The following TRAK1 variants were observed in gnomAD, a reference collection of about 807,000 sequenced individuals.
TRAK1 encodes the protein trafficking kinesin-binding protein 1.
A neutral mutation model predicts 92.1 loss-of-function variants in TRAK1; 33 were observed. The observed-to-expected ratio is 0.36, with a 90% CI of 0.27 to 0.48. The LOEUF is 0.48. TRAK1 is among the 20% of genes least tolerant of loss of function. The probability of loss-of-function intolerance (pLI) is 0.99; values close to 1 mark genes in which losing one functional copy is unlikely to be tolerated. For missense variants in TRAK1, 1,123 were observed against 1,257.9 expected, an observed-to-expected ratio of 0.89 and a Z score of 1.62; for synonymous variants, 521 against 517.3, an observed-to-expected ratio of 1.01 and a Z score of -0.10.
At chr3:42,032,919 T>C (rs2148893971) in intron 1 of TRAK1, among the ~76,000 whole-genome samples, 1 of 152,302 alleles carries the variant, frequency 6.6e-6, no homozygotes, top group East Asian at 1.9e-4. Flanking sequence ...TGAGACCTAC[T>C]CTTGAAACAA....
chr3:42,048,990 C>T (rs1231468746), intron 1 of TRAK1, among the ~76,000 whole-genome samples: 1 of 152,188 alleles, frequency 6.6e-6, no homozygotes, highest in Non-Finnish European at 1.5e-5. Context: ...TGGCCTCAAG[C>T]AATCCTTCTG....
intron 2 of TRAK1, among the ~76,000 whole-genome samples, chr3:42,140,022 C>A (rs1395920735): frequency 6.6e-6 from 1 of 152,202 alleles, no homozygotes; most frequent in Non-Finnish European, 1.5e-5. Context: ...AGGCCGTGTA[C>A]TGATGCTACC....
At position 42,184,782 on chromosome 3, in the gene TRAK1, T is replaced by C; in HGVS notation, c.461T>C (p.Val154Ala). 1 of 1,612,976 alleles carries C rather than the reference T, an allele frequency of 6.2e-7. No homozygotes were observed. The highest frequency in any genetic ancestry group is 8.5e-7 in the Non-Finnish European group (1 of 1,179,664). ...TERNELLEEQ[V>A]EHIREEVSQL... ...AGGAACGAGCTGCTGGAGGAGCAGG[T>C]GGAACACATCAGGGAGGAGGTAAGA... Residue 154 changes from valine to alanine, a missense_variant, in exon 4 of 16, where the codon GTG becomes GCG. Coordinates refer to ENST00000327628, the MANE Select transcript of TRAK1 (RefSeq NM_001042646.3).
intron 14 of TRAK1, chr3:42,211,062 A>G (rs899384508): frequency 8.1e-6 from 8 of 985,346 alleles, no homozygotes; most frequent in Non-Finnish European, 9.6e-6. Flanking sequence ...GGAGACTGAG[A>G]AAAAATGAAT....
Position 42,148,384 on chromosome 3 carries a change from T to A in TRAK1, c.286+22770T>A, listed in dbSNP as rs546699829. On this transcript the variant is annotated intron_variant, in intron 2 of 15. Transcript: ENST00000327628. ...GCTTTAGGGAATGAAATTCAACCTA[T>A]AGGATAGCCTAGAATCTGTCTTATT... Among the ~76,000 whole-genome samples the A allele has an allele frequency of 3.9e-5, 6 of 152,342 alleles. No individual in the cohort carries two copies. In the South Asian group the frequency reaches 1.2e-3, roughly 32 times the overall value.
chr3:42,212,318 T>C (rs1344927017), intron 14 of TRAK1: 3 of 985,402 alleles, frequency 3.0e-6, no homozygotes, highest in Non-Finnish European at 3.6e-6. Context: ...CCAGGAACTA[T>C]TGTCTGCCTG....
intron 4 of TRAK1, among the ~76,000 whole-genome samples, chr3:42,185,672 T>C: frequency 1.1e-5 from 1 of 93,614 alleles, no homozygotes; most frequent in East Asian, 8.7e-4. Flanking sequence ...CTTATTCCTT[T>C]CTTTTTTTTT....
At position 42,223,874 on chromosome 3, in the gene TRAK1, C is replaced by T. The variant is rs1018657738; in HGVS notation, c.*137C>T. ...CCCCCTCCTAAGCTAGACAAATCAA[C>T]CTCGTGCCTAATGGAGGAAGTGTGG... On this transcript the variant is annotated 3_prime_UTR_variant, in exon 16 of 16. Transcript: ENST00000327628. The surrounding 1 kb of genome is among the most constrained non-coding windows in gnomAD (Gnocchi z 6.1). The T allele has an allele frequency of 3.8e-6, 4 of 1,040,666 alleles. No individual in the cohort carries two copies. In the African/African-American group the frequency reaches 6.5e-5, roughly 17 times the overall value. The allele number at this position is 1,040,666 out of a possible 1,614,324, so 64.5% of individuals were successfully genotyped here. A position where few individuals can be genotyped will look rare whatever the true frequency, so the allele number is the denominator to read the frequency against.
chr3:42,160,139 A>C, intron 2 of TRAK1: 1 of 1,163,010 alleles, frequency 8.6e-7, no homozygotes. Flanking sequence ...CTCCAGGCTC[A>C]TAGGAGCCAC....
chr3:42,069,542 A>G (rs1444870699), intron 1 of TRAK1, among the ~76,000 whole-genome samples: 1 of 152,152 alleles, frequency 6.6e-6, no homozygotes, highest in Non-Finnish European at 1.5e-5. Context: ...TTATATTTTT[A>G]CATGTCTCAC....
rs762125764 is a variant in TRAK1 at position 42,223,022 on chromosome 3, G to A, written c.2147G>A (p.Arg716Gln). Residue 716 changes from arginine to glutamine, a missense_variant, in exon 16 of 16, where the codon CGG (arginine) becomes CAG (glutamine). Physicochemically the swap from Arg to Gln is conservative, Grantham distance 43 (BLOSUM62 1). Transcript: ENST00000327628. The surrounding 1 kb of genome is among the most constrained non-coding windows in gnomAD (Gnocchi z 6.1). ...CCGGTGGCCACACCATGCACTCCAC[G>A]GAGACTGAGCCTGGCTGAGTCCTTC... ...STPVATPCTP[R>Q]RLSLAESFTN... The A allele has an allele frequency of 1.9e-5, 31 of 1,613,954 alleles. No individual in the cohort carries two copies. The highest frequency in any genetic ancestry group is 4.5e-5 in the East Asian group (2 of 44,860).
chr3:42,153,565 A>G (rs571655823), intron 2 of TRAK1, among the ~76,000 whole-genome samples: 3 of 152,256 alleles, frequency 2.0e-5, no homozygotes, highest in Middle Eastern at 3.4e-3. Flanking sequence ...GGTCTAGTTC[A>G]TACTGATTTC....
At chr3:42,105,671 G>A (rs113175979) in intron 1 of TRAK1, among the ~76,000 whole-genome samples, 15 of 152,042 alleles carry the variant, frequency 9.9e-5, no homozygotes, top group African/African-American at 3.6e-4. Flanking sequence ...ACAGAGAACG[G>A]CACAAAGATA....
chr3:42,143,308 C>CTG (rs376108676), intron 2 of TRAK1, among the ~76,000 whole-genome samples: 50 of 139,262 alleles, frequency 3.6e-4, no homozygotes, highest in Admixed American at 1.0e-3. Context: ...TGTACCTCTT[C>CTG]TTTTTTTTTT....
At chr3:42,030,373 A>AAATATG (rs35781469) in intron 1 of TRAK1, among the ~76,000 whole-genome samples, 6 of 18,074 alleles carry the variant, frequency 3.3e-4, no homozygotes, top group Non-Finnish European at 1.1e-3. Context: ...AAAAAAAAAA[A>AAATATG]TATATATATA....
chr3:42,168,193 G>A (rs1286540173), intron 2 of TRAK1, among the ~76,000 whole-genome samples: 2 of 152,160 alleles, frequency 1.3e-5, no homozygotes, highest in Non-Finnish European at 2.9e-5. Flanking sequence ...GGGCAGATTA[G>A]TACCTTTATG....
At chr3:42,177,290 C>T (rs148378427) in intron 3 of TRAK1, among the ~76,000 whole-genome samples, 9 of 152,076 alleles carry the variant, frequency 5.9e-5, no homozygotes, top group East Asian at 1.9e-4. Context: ...GCAGTGTCAG[C>T]GTGGAAATAA....
upstream of TRAK1, among the ~76,000 whole-genome samples, chr3:42,085,144 A>T (rs1704611394): frequency 6.6e-6 from 1 of 152,082 alleles, no homozygotes; most frequent in Admixed American, 6.5e-5. Flanking sequence ...GTATAAGGCA[A>T]ATATCCCCAA....
At chr3:42,030,319 G>A (rs886987105) in intron 1 of TRAK1, among the ~76,000 whole-genome samples, 7 of 147,862 alleles carry the variant, frequency 4.7e-5, no homozygotes, top group Non-Finnish European at 1.0e-4. Flanking sequence ...CTGTGATCTC[G>A]CCACTGTACT....
Sources: allele counts gnomAD v4.1 joint callset (sites outside exome capture counted in the v4.1 genomes callset), GRCh38; gene constraint gnomAD v4.1.1; non-coding constraint Gnocchi (gnomAD v3.1); transcripts MANE v1.5; gene names NCBI Gene and HGNC (gene_info 2026-07-23, HGNC 2026-07-21).